The following FANCB variants were observed in gnomAD, a reference collection of about 807,000 sequenced individuals.
FANCB encodes the protein Fanconi anemia group B protein.
Under a neutral mutation model 38.9 loss-of-function variants are expected in FANCB, and 5 were observed. The ratio of observed to expected loss-of-function variants is 0.13; its 90% CI spans 0.07 to 0.27. FANCB has a LOEUF of 0.27. Ranked by LOEUF, FANCB falls within the 10% of genes least tolerant of loss-of-function variation. The probability of loss-of-function intolerance (pLI) is 1.00; values close to 1 mark genes in which losing one functional copy is unlikely to be tolerated. For missense variants in FANCB, 573 were observed against 602.7 expected (o/e 0.95, Z 0.52); for synonymous variants, 236 against 215.4 (o/e 1.10, Z -0.84).
chrX:14,825,722 T>C, the FANCB span, among the ~76,000 whole-genome samples: 1 of 112,256 alleles, frequency 8.9e-6, no homozygotes, highest in African/African-American at 3.2e-5. Flanking sequence ...ATTATTATAT[T>C]GTGTGCCAGG....
chrX:14,771,624 G>A, the FANCB span, among the ~76,000 whole-genome samples: 3,970 of 111,596 alleles, frequency 0.036, 142 homozygotes, highest in African/African-American at 0.11. Context: ...ACTTTCTGAA[G>A]CCTGCTTCTG....
downstream of FANCB, among the ~76,000 whole-genome samples, chrX:14,832,789 G>A (rs1424233524): frequency 8.9e-6 from 1 of 111,807 alleles, no homozygotes; most frequent in Non-Finnish European, 1.9e-5. Context: ...ACATGTGGGG[G>A]GCCAACTTTA....
At chrX:14,781,537 T>A in the FANCB span, among the ~76,000 whole-genome samples, 1 of 111,386 alleles carries the variant, frequency 9.0e-6, no homozygotes, top group Non-Finnish European at 1.9e-5. Flanking sequence ...AAGGCTAGAG[T>A]CATTATCTAC....
At chrX:14,790,465 A>G in the FANCB span, among the ~76,000 whole-genome samples, 1 of 112,113 alleles carries the variant, frequency 8.9e-6, no homozygotes, top group Non-Finnish European at 1.9e-5. Context: ...TCACCTGCCA[A>G]TATGGGAGTA....
chrX:14,785,826 C>T, the FANCB span, among the ~76,000 whole-genome samples: 1 of 111,421 alleles, frequency 9.0e-6, no homozygotes, highest in Non-Finnish European at 1.9e-5. Flanking sequence ...CAGATGCTGT[C>T]TGACCTTTAC....
At chrX:14,768,697 G>A in the FANCB span, among the ~76,000 whole-genome samples, 1 of 111,486 alleles carries the variant, frequency 9.0e-6, no homozygotes, top group Admixed American at 9.6e-5. Flanking sequence ...CTAATATGAT[G>A]TTGAATAGGA....
chrX:14,784,462 T>G, the FANCB span, among the ~76,000 whole-genome samples: 1 of 112,064 alleles, frequency 8.9e-6, no homozygotes, highest in South Asian at 3.7e-4. Flanking sequence ...CAACCTCTGC[T>G]TCTGTCCTCT....
At chrX:14,724,562 G>A in the FANCB span, among the ~76,000 whole-genome samples, 1 of 99,378 alleles carries the variant, frequency 1.0e-5, no homozygotes, top group African/African-American at 3.8e-5. Context: ...GGAGGCAGAG[G>A]TTGCAGTGAG....
downstream of FANCB, chrX:14,835,859 T>C (rs905118287): frequency 2.7e-5 from 3 of 112,364 alleles, no homozygotes; most frequent in Admixed American, 2.8e-4. Context: ...TTAAAAATAG[T>C]ACAGAGGTTT....
chrX:14,719,295 C>G, the FANCB span, among the ~76,000 whole-genome samples: 11 of 112,020 alleles, frequency 9.8e-5, no homozygotes, highest in South Asian at 7.4e-4. Flanking sequence ...CACTTTCAAA[C>G]TCTTCATCCA....
downstream of FANCB, among the ~76,000 whole-genome samples, chrX:14,833,680 G>GGGGT (rs925659856): frequency 9.3e-6 from 1 of 107,884 alleles, no homozygotes; most frequent in Non-Finnish European, 1.9e-5. Context: ...GGTGTGGGGG[G>GGGGT]GGTTCACACC....
At chrX:14,699,418 G>C in the FANCB span, among the ~76,000 whole-genome samples, 2 of 111,975 alleles carry the variant, frequency 1.8e-5, no homozygotes, top group African/African-American at 3.2e-5. Context: ...CTAATGACAA[G>C]TTGCCTTTTA....
chrX:14,845,595 AT>A (rs745886941), intron 7 of FANCB, among the ~76,000 whole-genome samples: 1 of 111,364 alleles, frequency 9.0e-6, no homozygotes, highest in East Asian at 2.8e-4. Flanking sequence ...TAAGACAAAA[AT>A]TTTTTTAAGA....
the FANCB span, among the ~76,000 whole-genome samples, chrX:14,830,763 A>G: frequency 9.0e-6 from 1 of 111,561 alleles, no homozygotes; most frequent in East Asian, 2.8e-4. Context: ...AAGATTCCCC[A>G]TGTGCGGTGC....
chrX:14,802,197 G>C, the FANCB span, among the ~76,000 whole-genome samples: 6 of 111,724 alleles, frequency 5.4e-5, no homozygotes, highest in Admixed American at 2.9e-4. Context: ...AAGACAACTA[G>C]GAGTTTGCCA....
At chrX:14,701,366 TA>T in the FANCB span, among the ~76,000 whole-genome samples, 1 of 110,648 alleles carries the variant, frequency 9.0e-6, no homozygotes, top group African/African-American at 3.3e-5. Context: ...CTGACTGAAA[TA>T]AAAATGGGCA....
chrX:14,782,034 T>C, the FANCB span, among the ~76,000 whole-genome samples: 1 of 111,939 alleles, frequency 8.9e-6, no homozygotes, highest in African/African-American at 3.2e-5. Flanking sequence ...AGTTACTAAG[T>C]GTAGGTGAGT....
chrX:14,810,457 A>G, the FANCB span, among the ~76,000 whole-genome samples: 3 of 112,319 alleles, frequency 2.7e-5, no homozygotes, highest in African/African-American at 9.7e-5. Context: ...TAACCAATAC[A>G]GAGAAGTGCT....
At chrX:14,818,906 T>C in the FANCB span, among the ~76,000 whole-genome samples, 1 of 111,711 alleles carries the variant, frequency 9.0e-6, no homozygotes, top group African/African-American at 3.3e-5. Flanking sequence ...AACTTAGATA[T>C]GGTAAAATTT....
Sources: allele counts gnomAD v4.1 joint callset (sites outside exome capture counted in the v4.1 genomes callset), GRCh38; gene constraint gnomAD v4.1.1; transcripts MANE v1.5; gene names NCBI Gene and HGNC (gene_info 2026-07-23, HGNC 2026-07-21).